Variants in DHDDS observed in about 807,000 individuals in gnomAD.
DHDDS encodes dehydrodolichyl diphosphate synthase subunit.
DHDDS carries 16 observed loss-of-function variants against 46.2 expected under a neutral mutation model. The ratio of observed to expected loss-of-function variants is 0.35; its 90% CI spans 0.23 to 0.53. The LOEUF (loss-of-function observed/expected upper bound fraction) is 0.53. Among genes scored for constraint, DHDDS ranks in the 20% least tolerant of loss-of-function variants. The probability of loss-of-function intolerance (pLI) is 0.94; values close to 1 mark genes in which losing one functional copy is unlikely to be tolerated. For synonymous variants in DHDDS, 151 were observed against 163.1 expected (o/e 0.93, Z 0.56); for missense variants, 340 against 423.7 (o/e 0.80, Z 1.73).
At chr1:26,464,405 C>G (rs1258472387) in intron 8 of DHDDS, among the ~76,000 whole-genome samples, 1 of 152,176 alleles carries the variant, frequency 6.6e-6, no homozygotes, top group African/African-American at 2.4e-5. Flanking sequence ...TGCTTTAAGG[C>G]AGATACTATT....
chr1:26,449,657 C>G (rs1314399783), intron 6 of DHDDS, among the ~76,000 whole-genome samples: 1 of 152,126 alleles, frequency 6.6e-6, no homozygotes, highest in African/African-American at 2.4e-5. Flanking sequence ...CTCCTGGGCT[C>G]AAGCGATTCT....
chr1:26,438,321 G>A (rs902610067), intron 3 of DHDDS, 37 bp downstream of exon 3: 3 of 1,577,436 alleles, frequency 1.9e-6, no homozygotes, highest in African/African-American at 2.7e-5. Flanking sequence ...TGAACAGTCT[G>A]TGGAGAGGTA....
At chr1:26,444,595 A>G (rs1028529093) in intron 4 of DHDDS, among the ~76,000 whole-genome samples, 1 of 152,074 alleles carries the variant, frequency 6.6e-6, no homozygotes, top group African/African-American at 2.4e-5. Flanking sequence ...AATACAAAAA[A>G]ATTAACTGGG....
At chr1:26,455,783 CTAGTAAGTG>C (rs2075365203) in intron 6 of DHDDS, among the ~76,000 whole-genome samples, 1 of 152,154 alleles carries the variant, frequency 6.6e-6, no homozygotes, top group African/African-American at 2.4e-5. Flanking sequence ...AGACACACAA[CTAGTAAGTG>C]TAGAGTCTGG....
At chr1:26,447,304 G>A (rs1314166582) in intron 5 of DHDDS, among the ~76,000 whole-genome samples, 1 of 151,774 alleles carries the variant, frequency 6.6e-6, no homozygotes, top group Non-Finnish European at 1.5e-5. Flanking sequence ...TGGGCGACAA[G>A]AGCAAAACTC....
rs149582915 is a variant in DHDDS, at chr1:26,438,502, T to C, written c.180+218T>C. 2.4e-3 allele frequency: 1,225 copies of C among 510,386 alleles called. 8 individuals are homozygous for C. The highest frequency in any genetic ancestry group is 0.019 in the African/African-American group (971 of 51,908). The allele number at this position is 510,386 out of a possible 1,614,324, so 31.6% of individuals were successfully genotyped here. A position where few individuals can be genotyped will look rare whatever the true frequency, so the allele number is the denominator to read the frequency against. On this transcript the variant is annotated intron_variant, in intron 3 of 8. Coordinates refer to ENST00000236342, the MANE Select transcript of DHDDS (RefSeq NM_205861.3). ...ACTTTGGGAGGCCAAGGCAGGAGGA[T>C]TGCTTGAGCCCAGGGGTTCAGGACT...
Position 26,468,962 on chromosome 1 carries a change from C to T in DHDDS, c.833C>T (p.Thr278Ile). The T allele has an allele frequency of 1.5e-5, 24 of 1,614,148 alleles. No individual in the cohort carries two copies. The highest frequency in any genetic ancestry group is 1.9e-5 in the Non-Finnish European group (22 of 1,180,044). The change falls in exon 9 of 9, where the codon ACA becomes ATA. Residue 278 changes from threonine to isoleucine, a missense_variant. Around this residue, in one of 2 missense-constraint regions of DHDDS, gnomAD observed 268 missense variants for 300.3 expected, o/e 0.89. Transcript: ENST00000236342. ...QQLERDQATV[T>I]EQLLREGLQA... is the part of the protein sequence containing the mutation. ...CTGGAGAGGGACCAGGCTACAGTGACAGAGCAGCTGCTGCGAGAGGGGCTC... is the reference window on the plus strand; with the variant it reads ...CTGGAGAGGGACCAGGCTACAGTGATAGAGCAGCTGCTGCGAGAGGGGCTC...
At chr1:26,436,582 C>A (rs1252658434) in intron 2 of DHDDS, among the ~76,000 whole-genome samples, 1 of 151,828 alleles carries the variant, frequency 6.6e-6, no homozygotes, top group Non-Finnish European at 1.5e-5. Flanking sequence ...CACCACCACG[C>A]CCGGCTAACT....
chr1:26,457,969 G>C lies in DHDDS; in HGVS notation c.657+64G>C, dbSNP rs1215697541. On this transcript the variant is annotated intron_variant, in intron 7 of 8. Coordinates refer to ENST00000236342, the MANE Select transcript of DHDDS (RefSeq NM_205861.3). ...GGAAACCAACTGTATCCACAGAATG[G>C]ATCAGAGTGGTCCATCCCCACTCCC... is the stretch of plus-strand genomic sequence containing the variant. The C allele has an allele frequency of 2.8e-6, 4 of 1,435,428 alleles. No homozygotes were observed. The East Asian group carries it at 9.1e-5, about 33-fold the overall frequency. 88.9% of individuals were successfully genotyped at this position (1,435,428 alleles called of 1,614,324 possible). A position where few individuals can be genotyped will look rare whatever the true frequency, so the allele number is the denominator to read the frequency against.
rs2075551504 is a variant in DHDDS at position 26,471,007 on chromosome 1, G to C, written c.*1876G>C. 1 of 152,270 alleles carries C rather than the reference G, an allele frequency of 6.6e-6. No individual in the cohort carries two copies. Among genetic ancestry groups the C allele is most frequent in the Non-Finnish European group, 1.5e-5 (1 of 68,118 alleles). The allele number at this position is 152,270 out of a possible 1,614,324, so 9.4% of individuals were successfully genotyped here. ...TCTTTGGCCTGAGGTTCTGTATTCT[G>C]GGAAAGGTACACAGGGTGGAGTAGG... On this transcript the variant is annotated 3_prime_UTR_variant, in exon 9 of 9. Coordinates refer to ENST00000236342, the MANE Select transcript of DHDDS (RefSeq NM_205861.3).
At chr1:26,446,748 G>A (rs949837927) in intron 5 of DHDDS, among the ~76,000 whole-genome samples, 4 of 152,042 alleles carry the variant, frequency 2.6e-5, no homozygotes, top group African/African-American at 4.8e-5. Context: ...TCGGAATACA[G>A]CAGTTCTTAT....
intron 4 of DHDDS, among the ~76,000 whole-genome samples, chr1:26,445,628 G>A (rs1454353539): frequency 1.3e-5 from 2 of 151,916 alleles, no homozygotes; most frequent in Admixed American, 6.6e-5. Flanking sequence ...CAGGAGGATC[G>A]CTTGAGCCCA....
intron 6 of DHDDS, 109 bp downstream of exon 6, chr1:26,447,769 A>G (rs1166290060): frequency 8.4e-6 from 8 of 952,506 alleles, no homozygotes; most frequent in Non-Finnish European, 1.3e-5. Flanking sequence ...TGGGCAGTCC[A>G]CTTGAGGCAG....
chr1:26,467,391 C>T, intron 8 of DHDDS: 1 of 468,288 alleles, frequency 2.1e-6, no homozygotes. Flanking sequence ...CATAGCTCCA[C>T]ATGTAATTCA....
chr1:26,467,162 G>T, intron 8 of DHDDS: 1 of 349,956 alleles, frequency 2.9e-6, no homozygotes, highest in Non-Finnish European at 6.2e-6. Flanking sequence ...TGAACTGCAT[G>T]ACCCTTACCA....
intron 8 of DHDDS, 84 bp from the exon 9 acceptor site, chr1:26,468,811 G>GCCCCCCCCCCAACACC: frequency 7.8e-6 from 5 of 637,982 alleles, no homozygotes; most frequent in Admixed American, 2.4e-5. Context: ...CCCACCCTGT[G>GCCCCCCCCCCAACACC]CCCCACCCCC....
chr1:26,468,812 C>CCCCCCCCCCCCCCCCA, intron 8 of DHDDS, 83 bp from the exon 9 acceptor site: 1 of 601,118 alleles, frequency 1.7e-6, no homozygotes, highest in Non-Finnish European at 2.8e-6. Flanking sequence ...CCACCCTGTG[C>CCCCCCCCCCCCCCCCA]CCCACCCCCT....
chr1:26,470,275 C>T lies in DHDDS; in HGVS notation c.*1144C>T, dbSNP rs1164174615. The T allele has an allele frequency of 6.6e-6, 1 of 151,978 alleles. No individual in the cohort carries two copies. The highest frequency in any genetic ancestry group is 1.5e-5 in the Non-Finnish European group (1 of 68,122). The allele number at this position is 151,978 out of a possible 1,614,324, so 9.4% of individuals were successfully genotyped here. A position where few individuals can be genotyped will look rare whatever the true frequency, so the allele number is the denominator to read the frequency against. Reference sequence around the variant, plus strand: ...ACCGGCAAGTACCAGCCAGCAACACCAACCAAATGCTACTCTCTTTAAAGT... The same window carrying T: ...ACCGGCAAGTACCAGCCAGCAACACTAACCAAATGCTACTCTCTTTAAAGT... On this transcript the variant is annotated 3_prime_UTR_variant, in exon 9 of 9. Coordinates refer to ENST00000236342, the MANE Select transcript of DHDDS (RefSeq NM_205861.3).
chr1:26,456,264 T>C (rs2075369172), intron 6 of DHDDS, among the ~76,000 whole-genome samples: 1 of 152,172 alleles, frequency 6.6e-6, no homozygotes, highest in Admixed American at 6.5e-5. Context: ...CCTAGCTACT[T>C]GGGAAGCTGA....
Sources: allele counts gnomAD v4.1 joint callset (sites outside exome capture counted in the v4.1 genomes callset), GRCh38; gene constraint gnomAD v4.1.1; regional missense constraint gnomAD v4.1.1; transcripts MANE v1.5; gene names NCBI Gene and HGNC (gene_info 2026-07-23, HGNC 2026-07-21).